OSBPL5: variants seen among roughly 807,000 people sequenced by gnomAD.
OSBPL5 encodes oxysterol binding protein like 5.
Under a neutral mutation model 111.2 loss-of-function variants are expected in OSBPL5, and 71 were observed. The ratio of observed to expected loss-of-function variants is 0.64; its 90% CI spans 0.53 to 0.78. The LOEUF (loss-of-function observed/expected upper bound fraction) is 0.78, where lower values mean the gene tolerates loss of function less well. Ranked by LOEUF, OSBPL5 falls within the 30% of genes least tolerant of loss-of-function variation. OSBPL5 has a pLI of 0.00. For missense variants in OSBPL5, 1,210 were observed against 1,189.3 expected (o/e 1.02, Z -0.26); for synonymous variants, 549 against 513.9 (o/e 1.07, Z -0.93).
At chr11:3,127,636 G>C (rs1027392420) in intron 2 of OSBPL5, among the ~76,000 whole-genome samples, 1 of 152,252 alleles carries the variant, frequency 6.6e-6, no homozygotes, top group African/African-American at 2.4e-5. Context: ...TAGCAGGAGC[G>C]CTCTTCCCTC....
At chr11:3,138,428 CG>C (rs945494341) in intron 1 of OSBPL5, among the ~76,000 whole-genome samples, 3 of 152,166 alleles carry the variant, frequency 2.0e-5, no homozygotes, top group African/African-American at 7.2e-5. Flanking sequence ...AGGGGTCAGC[CG>C]GGGAGGGAGG....
rs985280813 is a variant in OSBPL5, at chr11:3,154,063, A to C, written c.-22+11153T>G. On this transcript the variant is annotated intron_variant, in intron 1 of 21. Transcript: ENST00000263650. The surrounding 1 kb of genome is among the most constrained non-coding windows in gnomAD (Gnocchi z 4.9). ...AGGAAGGTCTGTGCCCGGGAAACAC[A>C]TGGCATTCAAACCGCCGCTGGTGTG... Among the ~76,000 whole-genome samples, 1 of 152,194 alleles carries C rather than the reference A, an allele frequency of 6.6e-6. No homozygotes were observed. Among genetic ancestry groups the C allele is most frequent in the Non-Finnish European group, 1.5e-5 (1 of 68,028 alleles).
At position 3,109,478 on chromosome 11, in the gene OSBPL5, C is replaced by A. The variant is rs1900372; in HGVS notation, c.692-1533G>T. ...GGTTCTGTGCCTCTCTGAGCCTCTG[C>A]CTTTTCGAGCTCCTGGAGACAGTGA... is the stretch of plus-strand genomic sequence containing the variant. On this transcript the variant is annotated intron_variant, in intron 7 of 21. Transcript: ENST00000263650. The surrounding 1 kb of genome is among the most constrained non-coding windows in gnomAD (Gnocchi z 7.4). Among the ~76,000 whole-genome samples the A allele has an allele frequency of 0.16, 25,066 of 152,110 alleles. 2,149 individuals carry two copies. The highest frequency in any genetic ancestry group is 0.21 in the Admixed American group (3,155 of 15,278).
rs746004308 is a variant in OSBPL5, at chr11:3,110,106, T to C, written c.692-2161A>G. Among the ~76,000 whole-genome samples the C allele has an allele frequency of 6.6e-6, 1 of 152,072 alleles. No individual in the cohort carries two copies. The highest frequency in any genetic ancestry group is 1.5e-5 in the Non-Finnish European group (1 of 68,018). ...ACTCAGGATGGCCCAGGAAGGAGCA[T>C]GGATGTGGCATCTGACCACCAGGGG... is the stretch of plus-strand genomic sequence containing the variant. On this transcript the variant is annotated intron_variant, in intron 7 of 21. Transcript: ENST00000263650. The surrounding 1 kb of genome is among the most constrained non-coding windows in gnomAD (Gnocchi z 5.3).
intron 7 of OSBPL5, among the ~76,000 whole-genome samples, chr11:3,108,812 A>G (rs938241710): frequency 6.6e-6 from 1 of 152,236 alleles, no homozygotes; most frequent in Non-Finnish European, 1.5e-5. Flanking sequence ...CTTGTTGCCC[A>G]GGTGGGAGCA....
In OSBPL5 at chr11:3,130,524, C is replaced by A. The variant is rs1858788949; in HGVS notation, c.-21-1355G>T. Among the ~76,000 whole-genome samples the A allele has an allele frequency of 2.0e-5, 3 of 152,202 alleles. No individual in the cohort carries two copies. Among genetic ancestry groups the A allele is most frequent in the South Asian group, 2.1e-4 (1 of 4,832 alleles). ...CACCACCCCAGAGCCCCCTCTGTGCCCCCAGTCCTGAAGTCAGAGTGGGGA... is the reference window on the plus strand; with the variant it reads ...CACCACCCCAGAGCCCCCTCTGTGCACCCAGTCCTGAAGTCAGAGTGGGGA... On this transcript the variant is annotated intron_variant, in intron 1 of 21. Coordinates refer to ENST00000263650, the MANE Select transcript of OSBPL5 (RefSeq NM_020896.4). This position sits in a 1 kb window ranked among gnomAD's most constrained non-coding sequence, Gnocchi z 4.5.
Position 3,121,910 on chromosome 11 carries a change from T to C in OSBPL5, c.402+87A>G. The C allele has an allele frequency of 8.0e-7, 1 of 1,245,968 alleles. No individual in the cohort carries two copies. The highest frequency in any genetic ancestry group is 1.1e-6 in the Non-Finnish European group (1 of 886,794). 77.2% of individuals were successfully genotyped at this position (1,245,968 alleles called of 1,614,324 possible). On this transcript the variant is annotated intron_variant, in intron 5 of 21. Transcript: ENST00000263650. The surrounding 1 kb of genome is among the most constrained non-coding windows in gnomAD (Gnocchi z 4.3). ...GATGCAGGGAAGTGAATTTCCATCG[T>C]TTCAGGCCACCTGGTTTATGGTCCT...
rs981258666 is a variant in OSBPL5 at position 3,092,767 on chromosome 11, G to A, written c.2132+100C>T. ...CCCCACCGACTCCTCCAGGGGACAGGCTGAAGGTGAGAGGGAAGCCAGGAG... is the reference window on the plus strand; with the variant it reads ...CCCCACCGACTCCTCCAGGGGACAGACTGAAGGTGAGAGGGAAGCCAGGAG... On this transcript the variant is annotated intron_variant, in intron 18 of 21. Coordinates refer to ENST00000263650, the MANE Select transcript of OSBPL5 (RefSeq NM_020896.4). This position sits in a 1 kb window ranked among gnomAD's most constrained non-coding sequence, Gnocchi z 5.4. 4 of 1,416,244 alleles carry A rather than the reference G, an allele frequency of 2.8e-6. No individual in the cohort carries two copies. Among genetic ancestry groups the A allele is most frequent in the Admixed American group, 2.6e-5 (1 of 38,028 alleles). The allele number at this position is 1,416,244 out of a possible 1,614,324, so 87.7% of individuals were successfully genotyped here.
At chr11:3,134,242 C>A (rs566912084) in intron 1 of OSBPL5, among the ~76,000 whole-genome samples, 29 of 152,356 alleles carry the variant, frequency 1.9e-4, no homozygotes, top group African/African-American at 7.0e-4. Flanking sequence ...CCAGACAGGA[C>A]AGGAAGGGCC....
rs769039506 is a variant in OSBPL5, at chr11:3,122,359, CCTT to C, written c.286_288del (p.Lys96del). 9.3e-6 allele frequency: 15 copies of C among 1,613,634 alleles called. No homozygotes were observed. The South Asian group carries it at 1.5e-4, about 17-fold the overall frequency. On this transcript the variant is annotated inframe_deletion, in exon 4 of 22. Transcript: ENST00000263650. ...GGGCCCGGGCTCACCTTGAGAGTCT[CCTT>C]CTTGGTGACCCTGGCGGTGGGGGAC...
rs1168756842 is a variant in OSBPL5 at position 3,102,174 on chromosome 11, T to G, written c.1425+9A>C. ...GCACCCAGGCCGGTTGCAGCAGAGG[T>G]GCTCTTGCCTGCTCTGCTATGTAGA... On this transcript the variant is annotated intron_variant, in intron 12 of 21. Transcript: ENST00000263650. 6.3e-7 allele frequency: 1 copy of G among 1,585,988 alleles called. No homozygotes were observed. The highest frequency in any genetic ancestry group is 1.3e-5 in the African/African-American group (1 of 74,520).
At position 3,090,438 on chromosome 11, in the gene OSBPL5, T is replaced by A. The variant is rs925195423; in HGVS notation, c.2398+120A>T. The A allele has an allele frequency of 9.4e-6, 13 of 1,381,794 alleles. No individual in the cohort carries two copies. The East Asian group carries it at 3.1e-4, about 33-fold the overall frequency. 85.6% of individuals were successfully genotyped at this position (1,381,794 alleles called of 1,614,324 possible). A position where few individuals can be genotyped will look rare whatever the true frequency, so the allele number is the denominator to read the frequency against. On this transcript the variant is annotated intron_variant, in intron 20 of 21. Coordinates refer to ENST00000263650, the MANE Select transcript of OSBPL5 (RefSeq NM_020896.4). The stretch of plus-strand genomic sequence containing the variant: ...GGGCCCCTCAGGGCAGCAGAGGAGC[T>A]TTTGCTGGGAGGTTGCCCTACATCT...
At chr11:3,157,023 CCCAA>C (rs1429449439) in intron 1 of OSBPL5, among the ~76,000 whole-genome samples, 3 of 152,252 alleles carry the variant, frequency 2.0e-5, no homozygotes, top group Admixed American at 1.3e-4. Context: ...CCTCGGGGCC[CCCAA>C]GGGCAGCAAG....
chr11:3,144,543 T>C lies in OSBPL5; in HGVS notation c.-21-15374A>G, dbSNP rs1166334540. On this transcript the variant is annotated intron_variant, in intron 1 of 21. Coordinates refer to ENST00000263650, the MANE Select transcript of OSBPL5 (RefSeq NM_020896.4). ...TCTGCAGGGGAGTGCGGGCTGGGCC[T>C]GGCCTGACCCCGTTCCACCGACACT... Among the ~76,000 whole-genome samples the C allele has an allele frequency of 2.0e-5, 3 of 152,224 alleles. No individual in the cohort carries two copies. The East Asian group carries it at 5.8e-4, about 29-fold the overall frequency.
intron 3 of OSBPL5, 32 bp from the exon 4 acceptor site, chr11:3,122,460 G>A: frequency 6.2e-7 from 1 of 1,605,092 alleles, no homozygotes; most frequent in Non-Finnish European, 8.5e-7. Context: ...GCGGGACAGG[G>A]CACAGGGGCC....
At position 3,103,881 on chromosome 11, in the gene OSBPL5, T is replaced by TCTTCCTGCCTGCGC. The variant is rs1564830854; in HGVS notation, c.1244+311_1244+312insGCGCAGGCAGGAAG. ...CTGCGCAGCCCCCTTCCTGCCTCTG[T>TCTTCCTGCCTGCGC]AGCCCCATTCCTGCCTCTGCAGCCC... On this transcript the variant is annotated intron_variant, in intron 10 of 21. Transcript: ENST00000263650. Among the ~76,000 whole-genome samples the TCTTCCTGCCTGCGC allele has an allele frequency of 6.0e-5, 3 of 49,826 alleles. 1 individual carries two copies. The highest frequency in any genetic ancestry group is 1.9e-4 in the African/African-American group (3 of 16,034). 32.7% of individuals were successfully genotyped at this position (49,826 alleles called of 152,430 possible). A position where few individuals can be genotyped will look rare whatever the true frequency, so the allele number is the denominator to read the frequency against.
At chr11:3,151,129 C>T (rs1394131133) in intron 1 of OSBPL5, among the ~76,000 whole-genome samples, 1 of 152,052 alleles carries the variant, frequency 6.6e-6, no homozygotes, top group African/African-American at 2.4e-5. Context: ...AGGCGGAGAT[C>T]GGAGTGATGC....
intron 14 of OSBPL5, among the ~76,000 whole-genome samples, chr11:3,097,389 C>T (rs900501609): frequency 5.3e-5 from 8 of 152,102 alleles, no homozygotes; most frequent in Non-Finnish European, 1.2e-4. Context: ...GGCCTGCGCT[C>T]CGGGGTTAAA....
chr11:3,119,903 A>T, intron 6 of OSBPL5: 1 of 494,440 alleles, frequency 2.0e-6, no homozygotes, highest in Non-Finnish European at 3.6e-6. Flanking sequence ...CAGAATCAGC[A>T]AAGGCACATC....
Sources: gnomAD v4.1 joint callset for allele counts (sites outside exome capture counted in the v4.1 genomes callset) on GRCh38, gnomAD v4.1.1 for gene constraint, Gnocchi (gnomAD v3.1) non-coding constraint, MANE v1.5 for transcripts, NCBI Gene and HGNC (gene_info 2026-07-23, HGNC 2026-07-21) for gene names.